The following JMJD1C variants were observed in gnomAD, a reference collection of about 807,000 sequenced individuals.
JMJD1C encodes jumonji domain-containing protein 1C.
Under a neutral mutation model 245.3 loss-of-function variants are expected in JMJD1C, and 31 were observed. The ratio of observed to expected loss-of-function variants is 0.13; its 90% CI spans 0.09 to 0.17. The LOEUF (loss-of-function observed/expected upper bound fraction) is 0.17. Ranked by LOEUF, JMJD1C falls within the 10% of genes least tolerant of loss-of-function variation. JMJD1C has a pLI of 1.00. For missense variants in JMJD1C, 2,691 were observed against 3,000.2 expected, an observed-to-expected ratio of 0.90 and a Z score of 2.41; for synonymous variants, 1,057 against 1,017.4, an observed-to-expected ratio of 1.04 and a Z score of -0.74.
At chr10:63,427,741 G>A in intron 1 of JMJD1C, 1 of 1,378,064 alleles carries the variant, frequency 7.3e-7, no homozygotes, top group Non-Finnish European at 1.0e-6. Flanking sequence ...ATTTGGTCTT[G>A]CCCAGTTCAA....
In JMJD1C at chr10:63,175,981, TCCC is replaced by T. The variant is rs572866532; in HGVS notation, c.7401+313_7401+315del. Reference sequence around the variant, plus strand: ...CCTGATAAAAAGTCTGTATACTGTGTCCCCCCATGCTTTTAAGCCTCACTATTC... The same window carrying T: ...CCTGATAAAAAGTCTGTATACTGTGTCCCATGCTTTTAAGCCTCACTATTC... On this transcript the variant is annotated intron_variant, in intron 24 of 25. Transcript: ENST00000399262. Among the ~76,000 whole-genome samples, 489 of 152,224 alleles carry T rather than the reference TCCC, an allele frequency of 3.2e-3. 3 individuals are homozygous for T. The highest frequency in any genetic ancestry group is 0.011 in the African/African-American group (474 of 41,518).
At chr10:63,184,886 A>C (rs1843937976) in intron 20 of JMJD1C, 148 bp from the exon 21 acceptor site, 1 of 685,766 alleles carries the variant, frequency 1.5e-6, no homozygotes. Flanking sequence ...ATACTGACTA[A>C]AATAGCAATT....
intron 13 of JMJD1C, among the ~76,000 whole-genome samples, chr10:63,196,296 A>G (rs1845452543): frequency 6.6e-6 from 1 of 152,180 alleles, no homozygotes; most frequent in Admixed American, 6.6e-5. Flanking sequence ...AAAATCATCA[A>G]CAATACAACA....
At chr10:63,375,526 A>G (rs1946664894) in intron 2 of JMJD1C, among the ~76,000 whole-genome samples, 1 of 112,648 alleles carries the variant, frequency 8.9e-6, no homozygotes, top group South Asian at 3.3e-4. Context: ...AGAAGACTTA[A>G]TATTTACACG....
rs1466949975 is a variant in JMJD1C, at chr10:63,208,581, T to C, written c.3088A>G (p.Ile1030Val). The change falls in exon 10 of 26, where the codon ATT becomes GTT. Residue 1030 changes from isoleucine (I) to valine (V), a missense_variant. Physicochemically the swap from Ile to Val is conservative, Grantham distance 29 (BLOSUM62 3). Around this residue, in one of 9 missense-constraint regions of JMJD1C, gnomAD observed 1,562 missense variants for 1,490.7 expected, o/e 1.05. Coordinates refer to ENST00000399262, the MANE Select transcript of JMJD1C (RefSeq NM_032776.3). The stretch of plus-strand genomic sequence containing the variant: ...TTAGTTGTAAAGGGAGCAACATCAA[T>C]ACTTTCTTGAAGAATTCGACGGTGT... The part of the protein sequence containing the change: ...EEHRRILQES[I>V]DVAPFTTKIK... 4 of 1,614,070 alleles carry C rather than the reference T, an allele frequency of 2.5e-6. No individual in the cohort carries two copies. Among genetic ancestry groups the C allele is most frequent in the Admixed American group, 3.3e-5 (2 of 60,028 alleles).
At chr10:63,170,772 C>T (rs887629229) in intron 24 of JMJD1C, among the ~76,000 whole-genome samples, 5 of 152,108 alleles carry the variant, frequency 3.3e-5, no homozygotes, top group African/African-American at 1.2e-4. Context: ...TGGATAAAGG[C>T]TTGAGGGTTA....
chr10:63,286,939 G>A lies in JMJD1C; in HGVS notation c.334-22175C>T, dbSNP rs150868338. Among the ~76,000 whole-genome samples the A allele has an allele frequency of 6.9e-3, 1,046 of 152,184 alleles. 6 individuals are homozygous for A. The highest frequency in any genetic ancestry group is 0.015 in the South Asian group (70 of 4,824). The stretch of plus-strand genomic sequence containing the variant: ...TCTCAACTTTCTATGCATACTAAGA[G>A]GAACAAAGAAAAAGTGCCTCAAAAG... On this transcript the variant is annotated intron_variant, in intron 2 of 25. Coordinates refer to ENST00000399262, the MANE Select transcript of JMJD1C (RefSeq NM_032776.3).
intron 1 of JMJD1C, among the ~76,000 whole-genome samples, chr10:63,412,004 GC>G (rs1272725580): frequency 7.0e-6 from 1 of 142,920 alleles, no homozygotes. Flanking sequence ...CCAGCTATTT[GC>G]CCACCTCAGC....
chr10:63,488,870 C>T (rs1300893083), intron 1 of JMJD1C, among the ~76,000 whole-genome samples: 2 of 152,058 alleles, frequency 1.3e-5, no homozygotes, highest in African/African-American at 4.8e-5. Context: ...TGAGTGTGTT[C>T]AGTTTTTAAA....
intron 1 of JMJD1C, among the ~76,000 whole-genome samples, chr10:63,473,313 T>C (rs959771752): frequency 6.6e-6 from 1 of 152,022 alleles, no homozygotes; most frequent in Non-Finnish European, 1.5e-5. Flanking sequence ...TGGCACAATC[T>C]TGGCTCACTG....
intron 1 of JMJD1C, among the ~76,000 whole-genome samples, chr10:63,422,716 A>T (rs1950193990): frequency 6.6e-6 from 1 of 152,226 alleles, no homozygotes; most frequent in African/African-American, 2.4e-5. Context: ...CCACAAAAAT[A>T]AATAGTGGAA....
chr10:63,368,182 C>G (rs1194582657), intron 2 of JMJD1C, among the ~76,000 whole-genome samples: 2 of 152,138 alleles, frequency 1.3e-5, no homozygotes, highest in African/African-American at 4.8e-5. Flanking sequence ...TGAGGGACAA[C>G]TAGTTTACTA....
intron 1 of JMJD1C, among the ~76,000 whole-genome samples, chr10:63,414,778 G>A (rs1268460926): frequency 6.6e-6 from 1 of 151,824 alleles, no homozygotes; most frequent in African/African-American, 2.4e-5. Flanking sequence ...GTGGTGGCAG[G>A]TGCCTGTAGA....
At chr10:63,279,458 C>T (rs567336047) in intron 2 of JMJD1C, among the ~76,000 whole-genome samples, 6 of 152,138 alleles carry the variant, frequency 3.9e-5, no homozygotes, top group Non-Finnish European at 8.8e-5. Flanking sequence ...TCAAACTACT[C>T]AAGTAGAATG....
intron 3 of JMJD1C, among the ~76,000 whole-genome samples, chr10:63,233,806 A>G (rs1434786521): frequency 1.3e-5 from 2 of 151,424 alleles, no homozygotes; most frequent in Non-Finnish European, 2.9e-5. Flanking sequence ...TATATAACAG[A>G]TATTACCAGT....
intron 1 of JMJD1C, among the ~76,000 whole-genome samples, chr10:63,497,909 G>A (rs564486101): frequency 6.0e-4 from 91 of 152,036 alleles, no homozygotes; most frequent in Non-Finnish European, 1.1e-3. Context: ...CTTCAGATGA[G>A]GTGGAATAAA....
chr10:63,221,507 G>A (rs1310594800), intron 3 of JMJD1C, among the ~76,000 whole-genome samples: 1 of 152,170 alleles, frequency 6.6e-6, no homozygotes. Context: ...ATGAAAAACT[G>A]TCATACAAAT....
chr10:63,323,243 C>T (rs1343925515), intron 2 of JMJD1C, among the ~76,000 whole-genome samples: 2 of 152,102 alleles, frequency 1.3e-5, no homozygotes, highest in Admixed American at 1.3e-4. Context: ...AACAGTGGTG[C>T]CGGGTACAGT....
intron 1 of JMJD1C, among the ~76,000 whole-genome samples, chr10:63,500,552 G>A (rs1051696542): frequency 1.3e-5 from 2 of 152,046 alleles, no homozygotes; most frequent in African/African-American, 2.4e-5. Context: ...TGTCCAACAT[G>A]GCAAAACCCT....
Sources: allele counts gnomAD v4.1 joint callset (sites outside exome capture counted in the v4.1 genomes callset), GRCh38; gene constraint gnomAD v4.1.1; regional missense constraint gnomAD v4.1.1; transcripts MANE v1.5; gene names NCBI Gene and HGNC (gene_info 2026-07-23, HGNC 2026-07-21).